The following RHOU variants were observed in gnomAD, a reference collection of about 807,000 sequenced individuals.
The protein encoded by RHOU is rho-related GTP-binding protein RhoU.
In RHOU, 8 loss-of-function variants were observed where a neutral mutation model predicts 12.6. The observed-to-expected ratio is 0.64, with a 90% CI of 0.37 to 1.15. The LOEUF (loss-of-function observed/expected upper bound fraction) is 1.15, where lower values mean the gene tolerates loss of function less well. RHOU is among the 50% of genes most tolerant of loss of function. RHOU has a pLI of 0.01. For synonymous variants in RHOU, 161 were observed against 147.4 expected, an observed-to-expected ratio of 1.09 and a Z score of -0.67; for missense variants, 258 against 347.0, an observed-to-expected ratio of 0.74 and a Z score of 2.04.
chr1:228,707,117 T>TAC, the RHOU span, among the ~76,000 whole-genome samples: 7 of 92,360 alleles, frequency 7.6e-5, no homozygotes, highest in African/African-American at 5.6e-4. Flanking sequence ...TATATATATA[T>TAC]ATATATATAC....
the RHOU span, among the ~76,000 whole-genome samples, chr1:228,695,672 G>A: frequency 6.6e-6 from 1 of 152,214 alleles, no homozygotes; most frequent in Non-Finnish European, 1.5e-5. Context: ...GGTGTGAAGG[G>A]GGTGCAGGTA....
the RHOU span, among the ~76,000 whole-genome samples, chr1:228,703,527 G>A: frequency 6.8e-6 from 1 of 146,798 alleles, no homozygotes. Context: ...CTCCATCTCT[G>A]AAAAAAAAAA....
rs770215132 is a variant in RHOU at position 228,738,528 on chromosome 1, G to A, written c.321+797G>A. On this transcript the variant is annotated intron_variant, in intron 2 of 2. Transcript: ENST00000366691. The surrounding 1 kb of genome is among the most constrained non-coding windows in gnomAD (Gnocchi z 4.2). ...TCTAGAGTTCAGCAAAGTTCCGGGG[G>A]TACTTTGTAGGCAGGTGAAAGTGCC... Among the ~76,000 whole-genome samples the A allele has an allele frequency of 3.9e-5, 6 of 152,144 alleles. No individual in the cohort carries two copies. The highest frequency in any genetic ancestry group is 8.8e-5 in the Non-Finnish European group (6 of 68,018).
At chr1:228,687,354 C>A in the RHOU span, 1 of 792,006 alleles carries the variant, frequency 1.3e-6, no homozygotes, top group East Asian at 2.4e-5. Flanking sequence ...AATCAACGAA[C>A]TTAAGTGGAT....
the RHOU span, among the ~76,000 whole-genome samples, chr1:228,694,348 G>C: frequency 6.6e-6 from 1 of 151,770 alleles, no homozygotes; most frequent in East Asian, 1.9e-4. Context: ...TTTAATTCTG[G>C]GGTCCATGTG....
chr1:228,687,911 CT>C, the RHOU span: 9 of 752,398 alleles, frequency 1.2e-5, no homozygotes, highest in Admixed American at 1.9e-5. Context: ...TGTTCTCCCC[CT>C]CTCCCTCCTC....
chr1:228,745,270 A>G lies in RHOU; in HGVS notation c.*1530A>G, dbSNP rs907514260. Reference sequence around the variant, plus strand: ...GTAGGAATGCTTCCGAGACACCACAAGGCAGCCTGAACACTCAGTTGCAGG... The same window carrying G: ...GTAGGAATGCTTCCGAGACACCACAGGGCAGCCTGAACACTCAGTTGCAGG... On this transcript the variant is annotated 3_prime_UTR_variant, in exon 3 of 3. Coordinates refer to ENST00000366691, the MANE Select transcript of RHOU (RefSeq NM_021205.6). The G allele has an allele frequency of 1.3e-5, 2 of 152,250 alleles. No homozygotes were observed. Among genetic ancestry groups the G allele is most frequent in the African/African-American group, 4.8e-5 (2 of 41,470 alleles). The allele number at this position is 152,250 out of a possible 1,614,324, so 9.4% of individuals were successfully genotyped here. A position where few individuals can be genotyped will look rare whatever the true frequency, so the allele number is the denominator to read the frequency against.
At chr1:228,727,287 G>A in the RHOU span, among the ~76,000 whole-genome samples, 1,916 of 152,248 alleles carry the variant, frequency 0.013, 17 homozygotes, top group Non-Finnish European at 0.019. Context: ...TCTTGATGCA[G>A]TAGACACTCA....
At chr1:228,646,449 C>T in the RHOU span, among the ~76,000 whole-genome samples, 1 of 56,784 alleles carries the variant, frequency 1.8e-5, no homozygotes, top group African/African-American at 7.7e-5. Context: ...CGCACAGGGG[C>T]TCCTGCGAGG....
the RHOU span, among the ~76,000 whole-genome samples, chr1:228,688,199 G>C: frequency 3.9e-5 from 6 of 152,160 alleles, no homozygotes; most frequent in African/African-American, 1.4e-4. Flanking sequence ...ACTGTAGCTG[G>C]AACCAACCCT....
At chr1:228,704,479 C>G in the RHOU span, among the ~76,000 whole-genome samples, 1 of 152,122 alleles carries the variant, frequency 6.6e-6, no homozygotes, top group Admixed American at 6.5e-5. Flanking sequence ...TAGATAGAGT[C>G]TTGCCCTGTC....
chr1:228,647,641 G>T, the RHOU span, among the ~76,000 whole-genome samples: 1 of 152,222 alleles, frequency 6.6e-6, no homozygotes, highest in South Asian at 2.1e-4. Context: ...GGATCCGGGA[G>T]CGGGAAGGCA....
Position 228,743,526 on chromosome 1 carries a change from C to A in RHOU, c.563C>A (p.Ala188Asp). ...GAAAAGCCAGTGCCTGAAGAGGCGG[C>A]TAAGCTGTGCGCCGAGGAAATCAAA... ...CKEKPVPEEAAKLCAEEIKAA... is the reference protein window; with the variant it reads ...CKEKPVPEEADKLCAEEIKAA... Residue 188 changes from alanine (A) to aspartate (D), a missense_variant, in exon 3 of 3, where the codon GCT becomes GAT. Coordinates refer to ENST00000366691, the MANE Select transcript of RHOU (RefSeq NM_021205.6). This position sits in a 1 kb window ranked among gnomAD's most constrained non-coding sequence, Gnocchi z 5.1. 2.5e-6 allele frequency: 4 copies of A among 1,614,170 alleles called. No homozygotes were observed. Among genetic ancestry groups the A allele is most frequent in the Non-Finnish European group, 3.4e-6 (4 of 1,180,040 alleles).
chr1:228,653,539 G>A, the RHOU span, among the ~76,000 whole-genome samples: 2 of 152,028 alleles, frequency 1.3e-5, no homozygotes, highest in African/African-American at 2.4e-5. Flanking sequence ...GGCTGGTCTC[G>A]AACTCCCAAC....
Position 228,743,425 on chromosome 1 carries a change from C to T in RHOU, c.462C>T (p.Ala154=), listed in dbSNP as rs371154449. 3 of 1,614,010 alleles carry T rather than the reference C, an allele frequency of 1.9e-6. No individual in the cohort carries two copies. Among genetic ancestry groups the T allele is most frequent in the Non-Finnish European group, 2.5e-6 (3 of 1,180,040 alleles). The change falls in exon 3 of 3, where the codon GCC becomes GCT. Residue 154 remains alanine, a synonymous_variant. Coordinates refer to ENST00000366691, the MANE Select transcript of RHOU (RefSeq NM_021205.6). This position sits in a 1 kb window ranked among gnomAD's most constrained non-coding sequence, Gnocchi z 5.1. ...AGATTCGATGCCACTGTCCCAAAGC[C>T]CCCATCATCCTAGTTGGAACGCAGT... ...VPEIRCHCPK[A]PIILVGTQSD... is the part of the protein sequence containing the mutation.
the RHOU span, among the ~76,000 whole-genome samples, chr1:228,659,604 T>C: frequency 1.3e-5 from 2 of 151,398 alleles, no homozygotes; most frequent in Admixed American, 1.3e-4. Flanking sequence ...ACAAACTTTA[T>C]AGACTGACTA....
At chr1:228,694,859 T>C in the RHOU span, among the ~76,000 whole-genome samples, 1 of 152,220 alleles carries the variant, frequency 6.6e-6, no homozygotes. Context: ...AAATGGTATT[T>C]CTGCCTCTAG....
chr1:228,657,138 G>A, the RHOU span, among the ~76,000 whole-genome samples: 3,301 of 151,842 alleles, frequency 0.022, 54 homozygotes, highest in Non-Finnish European at 0.032. Context: ...TTAGCTGGGC[G>A]TGGTGGTAGG....
chr1:228,715,920 T>C, the RHOU span, among the ~76,000 whole-genome samples: 1 of 151,348 alleles, frequency 6.6e-6, no homozygotes, highest in Admixed American at 6.6e-5. Flanking sequence ...ATGAACTTTT[T>C]TTTTTTTTTT....
Sources: gnomAD v4.1 joint callset for allele counts (sites outside exome capture counted in the v4.1 genomes callset) on GRCh38, gnomAD v4.1.1 for gene constraint, Gnocchi (gnomAD v3.1) non-coding constraint, MANE v1.5 for transcripts, NCBI Gene and HGNC (gene_info 2026-07-23, HGNC 2026-07-21) for gene names.